The following POMGNT1 variants were observed in gnomAD, a reference collection of about 807,000 sequenced individuals.
POMGNT1 encodes protein O-linked-mannose beta-1,2-N-acetylglucosaminyltransferase 1.
In POMGNT1, 67 loss-of-function variants were observed where a neutral mutation model predicts 95.6. The observed-to-expected ratio is 0.70, with a 90% confidence interval of 0.58 to 0.86. The LOEUF is 0.86. Among genes scored for constraint, POMGNT1 ranks in the 40% least tolerant of loss-of-function variants. The pLI is 0.00. For synonymous variants in POMGNT1, 298 were observed against 317.9 expected (o/e 0.94, Z 0.66); for missense variants, 719 against 855.2 (o/e 0.84, Z 1.99).
At chr1:46,192,733 C>T in intron 14 of POMGNT1, 143 bp from the exon 15 acceptor site, 1 of 1,594,910 alleles carries the variant, frequency 6.3e-7, no homozygotes, top group Non-Finnish European at 8.6e-7. Context: ...TGTCTCCATT[C>T]ATCCACTGTA....
rs144068158 is a variant in POMGNT1 at position 46,189,306 on chromosome 1, C to A, written c.1947G>T (p.Lys649Asn). The change falls in exon 22 of 22, where the codon AAG (lysine) becomes AAT (asparagine). Residue 649 changes from lysine to asparagine, a missense_variant. Around this residue, in one of 5 missense-constraint regions of POMGNT1, gnomAD observed 130 missense variants for 149.2 expected, o/e 0.87. Transcript: ENST00000371984. ...VTPIFLEPPP[K>N]EEGAPGAPEQ... ...CTGGGGCTCCTGGGGCTCCCTCCTC[C>A]TTTGGGGGTGGCTCCAGGAAAATTG... is the stretch of plus-strand genomic sequence containing the variant. 6.2e-7 allele frequency: 1 copy of A among 1,613,866 alleles called. No individual in the cohort carries two copies. Among genetic ancestry groups the A allele is most frequent in the African/African-American group, 1.3e-5 (1 of 75,024 alleles).
intron 17 of POMGNT1, chr1:46,191,139 C>G: frequency 2.9e-6 from 1 of 350,532 alleles, no homozygotes; most frequent in Non-Finnish European, 5.6e-6. Flanking sequence ...AAGGGACGGG[C>G]TGGGCTGGGA....
At chr1:46,198,671 C>G (rs1023991099), upstream of POMGNT1, among the ~76,000 whole-genome samples, 2 of 152,160 alleles carry the variant, frequency 1.3e-5, no homozygotes, top group African/African-American at 2.4e-5. Context: ...CCAGCACCGC[C>G]GATGGCAAGC....
chr1:46,193,485 G>GGTC (rs1657957792), intron 11 of POMGNT1, 79 bp downstream of exon 11: 7 of 1,612,040 alleles, frequency 4.3e-6, no homozygotes, highest in Non-Finnish European at 5.1e-6. Flanking sequence ...TTGCCTGGGC[G>GGTC]GTCTCCCTTG....
upstream of POMGNT1, among the ~76,000 whole-genome samples, chr1:46,201,628 G>A (rs1377837078): frequency 6.6e-6 from 1 of 150,674 alleles, no homozygotes; most frequent in African/African-American, 2.4e-5. Flanking sequence ...GAACCCAGGA[G>A]GGCAGGTTGC....
intron 19 of POMGNT1, 113 bp downstream of exon 19, chr1:46,190,360 T>G: frequency 1.5e-5 from 21 of 1,382,420 alleles, no homozygotes; most frequent in Non-Finnish European, 2.0e-5. Context: ...TCCTAATGTT[T>G]GAGATGAGGG....
rs1223676615 is a variant in POMGNT1, at chr1:46,220,154, T to G, written c.-500A>C. 1.9e-6 allele frequency: 3 copies of G among 1,613,850 alleles called. No homozygotes were observed. Among genetic ancestry groups the G allele is most frequent in the Admixed American group, 1.7e-5 (1 of 59,988 alleles). ...CACCTGAGTCACCAGAGGATGAGAG[T>G]GCCAAGCTGGGCTTCGAGGCCCACT... On this transcript the variant is annotated 5_prime_UTR_variant, in exon 1 of 23. Transcript: ENST00000371992.
chr1:46,203,578 C>A, intron 1 of POMGNT1: 1 of 1,580,152 alleles, frequency 6.3e-7, no homozygotes, highest in Non-Finnish European at 8.6e-7. Context: ...GCGTCTAGCA[C>A]CGGCCACGAC....
chr1:46,220,040 G>T (rs771035933), exon 1 of POMGNT1: 1 of 1,614,248 alleles, frequency 6.2e-7, no homozygotes, highest in East Asian at 2.2e-5. Flanking sequence ...GTGGAGAGAG[G>T]GCCAGGACTG....
rs558377166 is a variant in POMGNT1 at position 46,212,791 on chromosome 1, G to A, written c.-51+6914C>T. On this transcript the variant is annotated intron_variant, in intron 1 of 22. Transcript: ENST00000371992. ...TTTTATTTTTTTGAGACAGAGTCTCGCTCTGTCGCCCAGGCTGGAGTGCAG... is the reference window on the plus strand; with the variant it reads ...TTTTATTTTTTTGAGACAGAGTCTCACTCTGTCGCCCAGGCTGGAGTGCAG... Among the ~76,000 whole-genome samples the A allele has an allele frequency of 4.2e-4, 64 of 151,384 alleles. 1 individual carries two copies. The South Asian group carries it at 0.013, about 31-fold the overall frequency.
chr1:46,199,613 G>A (rs1335799942), upstream of POMGNT1, among the ~76,000 whole-genome samples: 3 of 152,174 alleles, frequency 2.0e-5, no homozygotes, highest in Admixed American at 1.3e-4. Context: ...AACAGTTTTA[G>A]GCAGGGGAGC....
At chr1:46,200,803 C>T (rs946874292), upstream of POMGNT1, among the ~76,000 whole-genome samples, 5 of 152,218 alleles carry the variant, frequency 3.3e-5, no homozygotes, top group African/African-American at 9.6e-5. Context: ...TTTTACTCCT[C>T]CTATCCTTTT....
chr1:46,201,421 C>T (rs1318153470), upstream of POMGNT1, among the ~76,000 whole-genome samples: 3 of 151,950 alleles, frequency 2.0e-5, no homozygotes, highest in Non-Finnish European at 2.9e-5. Context: ...AGTGCCAGGC[C>T]GGGCGCAGTG....
At chr1:46,191,716 G>T in intron 17 of POMGNT1, 1 of 336,856 alleles carries the variant, frequency 3.0e-6, no homozygotes, top group Non-Finnish European at 5.8e-6. Context: ...CTCACAGCAA[G>T]CTTCGCCTCC....
chr1:46,203,532 G>A (rs1658614944), intron 1 of POMGNT1: 1 of 1,567,934 alleles, frequency 6.4e-7, no homozygotes, highest in Admixed American at 1.9e-5. Flanking sequence ...AGGCGAGTGT[G>A]AGCTGGGAAC....
rs755454684 is a variant in POMGNT1 at position 46,193,385 on chromosome 1, G to A, written c.1030C>T (p.Pro344Ser). ...TVFIDGYYEE[P>S]MDVVALFGLR... ...CCAAACAGTGCCACCACATCCATGG[G>A]TTCCTGGGGGACATGGCCACTGCTC... The change falls in exon 12 of 22, where the codon CCC (proline) becomes TCC (serine). Residue 344 changes from proline to serine, a missense_variant. Coordinates refer to ENST00000371984, the MANE Select transcript of POMGNT1 (RefSeq NM_017739.4). The A allele has an allele frequency of 1.1e-5, 18 of 1,611,936 alleles. No homozygotes were observed. In the South Asian group the frequency reaches 1.4e-4, roughly 13 times the overall value.
At chr1:46,199,541 A>AT (rs1321732896), upstream of POMGNT1, among the ~76,000 whole-genome samples, 1 of 152,156 alleles carries the variant, frequency 6.6e-6, no homozygotes, top group Non-Finnish European at 1.5e-5. Flanking sequence ...GCAGGGTGGG[A>AT]TTTTGCATTC....
rs2148192392 is a variant in POMGNT1, at chr1:46,193,334, TG to T, written c.1080del (p.Ile361SerfsTer46). ...GACACGCGGGCATTCTTGATGCTGA[TG>T]GGAGTATGCTGGATGCCCCTCAGAC... is the stretch of plus-strand genomic sequence containing the variant. ...LFGLRGIQHTPISIKNARVSQ... is the reference protein window; with the variant it reads ...LFGLRGIQHTXISIKNARVSQ... On this transcript the variant is annotated frameshift_variant, in exon 12 of 22. Transcript: ENST00000371984. LOFTEE classifies it high-confidence loss of function. 3 of 1,613,752 alleles carry T rather than the reference TG, an allele frequency of 1.9e-6. No homozygotes were observed. Among genetic ancestry groups the T allele is most frequent in the Non-Finnish European group, 2.5e-6 (3 of 1,179,864 alleles).
Position 46,212,632 on chromosome 1 carries a change from A to G in POMGNT1, c.-51+7073T>C, listed in dbSNP as rs188989567. 4.6e-5 allele frequency among the ~76,000 whole-genome samples: 7 copies of G among 151,588 alleles called. No homozygotes were observed. In the South Asian group the frequency reaches 1.5e-3, roughly 32 times the overall value. The stretch of plus-strand genomic sequence containing the variant: ...CGCTCTGTCACCCAAGCTATAGTAC[A>G]GTGGCACCATCTCAGCTCACTGTAA... On this transcript the variant is annotated intron_variant, in intron 1 of 22. Coordinates refer to the POMGNT1 transcript ENST00000371992.
Sources: gnomAD v4.1 joint callset for allele counts (sites outside exome capture counted in the v4.1 genomes callset) on GRCh38, gnomAD v4.1.1 for gene constraint, gnomAD v4.1.1 regional missense constraint, MANE v1.5 for transcripts, NCBI Gene and HGNC (gene_info 2026-07-23, HGNC 2026-07-21) for gene names.